Variants in ANP32B observed in about 807,000 individuals in gnomAD.
The protein encoded by ANP32B is acidic leucine-rich nuclear phosphoprotein 32 family member B.
In ANP32B, 6 loss-of-function variants were observed where a neutral mutation model predicts 32.2. That is an observed-to-expected ratio of 0.19 (90% confidence interval 0.10 to 0.37). The LOEUF is 0.37. Ranked by LOEUF, ANP32B falls within the 10% of genes least tolerant of loss-of-function variation. The probability of loss-of-function intolerance (pLI) is 1.00; values close to 1 mark genes in which losing one functional copy is unlikely to be tolerated. For synonymous variants in ANP32B, 98 were observed against 105.8 expected (o/e 0.93, Z 0.45); for missense variants, 204 against 289.2 (o/e 0.71, Z 2.14).
At chr9:98,006,127 G>A (rs1431801430) in intron 4 of ANP32B, among the ~76,000 whole-genome samples, 2 of 152,222 alleles carry the variant, frequency 1.3e-5, no homozygotes, top group Non-Finnish European at 2.9e-5. Context: ...CTGAGGTGGT[G>A]ATGCTAGCAC....
At chr9:98,013,102 C>T (rs933053036) in intron 6 of ANP32B, among the ~76,000 whole-genome samples, 7 of 152,178 alleles carry the variant, frequency 4.6e-5, no homozygotes, top group African/African-American at 1.7e-4. Flanking sequence ...AAGCTCACTG[C>T]AGCCTCCACC....
At chr9:97,995,899 C>G (rs1033944071) in intron 2 of ANP32B, among the ~76,000 whole-genome samples, 2 of 148,378 alleles carry the variant, frequency 1.3e-5, no homozygotes, top group African/African-American at 5.0e-5. Context: ...GCATTCCAGC[C>G]TGGGCGACAG....
chr9:98,012,295 T>G (rs1373635985), intron 5 of ANP32B, 126 bp from the exon 6 acceptor site: 2 of 1,132,732 alleles, frequency 1.8e-6, no homozygotes, highest in Non-Finnish European at 2.4e-6. Context: ...AAAATAACAT[T>G]ACAGTTTCCT....
chr9:97,991,578 G>A (rs1266047687), intron 1 of ANP32B, among the ~76,000 whole-genome samples: 1 of 152,066 alleles, frequency 6.6e-6, no homozygotes, highest in Admixed American at 6.6e-5. Context: ...TTCCGTAATC[G>A]AGAGGTTACA....
chr9:97,983,547 G>C lies in ANP32B; in HGVS notation c.-9G>C. On this transcript the variant is annotated 5_prime_UTR_variant, in exon 1 of 7. Coordinates refer to ENST00000339399, the MANE Select transcript of ANP32B (RefSeq NM_006401.3). ...AAAGTTAAGTTTGAAGAGGGGGGAA[G>C]AGGGGAACATGGACATGAAGAGGAG... The C allele has an allele frequency of 6.3e-7, 1 of 1,575,148 alleles. No individual in the cohort carries two copies. The highest frequency in any genetic ancestry group is 8.6e-7 in the Non-Finnish European group (1 of 1,161,394).
Position 98,005,121 on chromosome 9 carries a change from T to A in ANP32B, c.485T>A (p.Val162Glu), listed in dbSNP as rs1325404711. Reference protein sequence around the residue: ...DQEAPDSDAEVDGVDEEEEDE... With the variant: ...DQEAPDSDAEEDGVDEEEEDE... The stretch of plus-strand genomic sequence containing the variant: ...GAAGCACCTGACTCAGATGCCGAGG[T>A]GGATGGTGTGGATGAAGAGGAGGAG... Residue 162 changes from valine to glutamate, a missense_variant, in exon 4 of 7, where the codon GTG becomes GAG. Val to Glu is a moderately radical substitution (Grantham distance 121). Transcript: ENST00000339399. The A allele has an allele frequency of 6.2e-7, 1 of 1,611,710 alleles. No individual in the cohort carries two copies. Among genetic ancestry groups the A allele is most frequent in the African/African-American group, 1.3e-5 (1 of 74,110 alleles).
chr9:97,986,954 G>C (rs1331997079), intron 1 of ANP32B: 1 of 152,178 alleles, frequency 6.6e-6, no homozygotes, highest in Non-Finnish European at 1.5e-5. Context: ...CTTTTATTGT[G>C]TATATGGCTT....
intron 1 of ANP32B, among the ~76,000 whole-genome samples, chr9:97,984,416 G>A (rs1180949467): frequency 2.6e-5 from 4 of 151,434 alleles, no homozygotes; most frequent in Non-Finnish European, 4.4e-5. Flanking sequence ...GGGGCAGCCC[G>A]GGTCGACCAA....
At chr9:97,993,705 G>A (rs1374394562) in intron 1 of ANP32B, among the ~76,000 whole-genome samples, 4 of 152,278 alleles carry the variant, frequency 2.6e-5, no homozygotes, top group Admixed American at 2.6e-4. Context: ...GCGAAATCTC[G>A]GCTAACTGCC....
Position 98,015,764 on chromosome 9 carries a change from T to G in ANP32B, c.*333T>G. 1.0e-6 allele frequency: 1 copy of G among 1,000,776 alleles called. No individual in the cohort carries two copies. Among genetic ancestry groups the G allele is most frequent in the African/African-American group, 1.7e-5 (1 of 57,996 alleles). 62.0% of individuals were successfully genotyped at this position (1,000,776 alleles called of 1,614,324 possible). A position where few individuals can be genotyped will look rare whatever the true frequency, so the allele number is the denominator to read the frequency against. On this transcript the variant is annotated 3_prime_UTR_variant, in exon 7 of 7. Transcript: ENST00000339399. ...TTACACTGAGATTGTAACAGCATTT[T>G]TACTTTCTGTACAACAAAAAAGCTT...
chr9:97,984,276 G>A (rs1253780997), intron 1 of ANP32B, among the ~76,000 whole-genome samples: 1 of 151,082 alleles, frequency 6.6e-6, no homozygotes, highest in African/African-American at 2.4e-5. Context: ...TGGCGCAACC[G>A]CCGCCCCTCC....
chr9:97,994,754 C>A lies in ANP32B; in HGVS notation c.178C>A (p.Leu60Ile). 2.5e-6 allele frequency: 4 copies of A among 1,598,732 alleles called. No homozygotes were observed. Among genetic ancestry groups the A allele is most frequent in the Non-Finnish European group, 3.4e-6 (4 of 1,174,294 alleles). ...TGTAGGCTTGATCTCAGTTTCAAAT[C>A]TCCCCAAGCTGCCTAAATTGAAAAA... ...INVGLISVSN[L>I]PKLPKLKKLE... The change falls in exon 2 of 7, where the codon CTC (leucine) becomes ATC (isoleucine). Residue 60 changes from leucine to isoleucine, a missense_variant. Coordinates refer to ENST00000339399, the MANE Select transcript of ANP32B (RefSeq NM_006401.3).
intron 3 of ANP32B, 144 bp from the exon 4 acceptor site, chr9:98,004,820 A>G: frequency 3.6e-6 from 2 of 561,808 alleles, no homozygotes; most frequent in Non-Finnish European, 6.0e-6. Context: ...AGGTTGCAAA[A>G]GACTTGATGT....
At chr9:97,985,878 A>G (rs1827722126) in intron 1 of ANP32B, among the ~76,000 whole-genome samples, 1 of 152,072 alleles carries the variant, frequency 6.6e-6, no homozygotes, top group African/African-American at 2.4e-5. Flanking sequence ...CTGGAGTGCA[A>G]TGGCACTATC....
chr9:98,006,449 T>C (rs1302122042), intron 4 of ANP32B, among the ~76,000 whole-genome samples: 7 of 97,792 alleles, frequency 7.2e-5, no homozygotes, highest in Non-Finnish European at 1.3e-4. Flanking sequence ...ACAGTTTTGT[T>C]AGGCCCACAA....
At chr9:98,012,324 C>T in intron 5 of ANP32B, 97 bp from the exon 6 acceptor site, 6 of 1,357,856 alleles carry the variant, frequency 4.4e-6, no homozygotes, top group Non-Finnish European at 6.0e-6. Context: ...GATATTGTTG[C>T]ATTTATTTGT....
chr9:98,012,273 T>C, intron 5 of ANP32B, 148 bp from the exon 6 acceptor site: 2 of 1,067,744 alleles, frequency 1.9e-6, no homozygotes, highest in Non-Finnish European at 2.6e-6. Flanking sequence ...TCTTGGTACA[T>C]CAAAGTAGAT....
intron 1 of ANP32B, among the ~76,000 whole-genome samples, chr9:97,988,505 A>C (rs2131580919): frequency 6.6e-6 from 1 of 152,230 alleles, no homozygotes; most frequent in African/African-American, 2.4e-5. Flanking sequence ...AGGGTGGGTC[A>C]CCTGAGGTCA....
At chr9:98,012,555 G>T in intron 6 of ANP32B, 83 bp downstream of exon 6, 1 of 1,564,070 alleles carries the variant, frequency 6.4e-7, no homozygotes, top group Non-Finnish European at 8.6e-7. Flanking sequence ...ATACCACTGA[G>T]AAGAAAATAA....
Sources: gnomAD v4.1 joint callset for allele counts (sites outside exome capture counted in the v4.1 genomes callset) on GRCh38, gnomAD v4.1.1 for gene constraint, MANE v1.5 for transcripts, NCBI Gene and HGNC (gene_info 2026-07-23, HGNC 2026-07-21) for gene names.